Variants in ANKRD17 observed in about 807,000 individuals in gnomAD.
ANKRD17 encodes ankyrin repeat domain-containing protein 17.
A neutral mutation model predicts 229.7 loss-of-function variants in ANKRD17; 19 were observed. That is an observed-to-expected ratio of 0.08 (90% CI 0.06 to 0.12). ANKRD17 has a LOEUF of 0.12. Among genes scored for constraint, ANKRD17 ranks in the 10% least tolerant of loss-of-function variants. ANKRD17 has a pLI of 1.00. For synonymous variants in ANKRD17, 1,112 were observed against 1,146.1 expected, an observed-to-expected ratio of 0.97 and a Z score of 0.60; for missense variants, 2,176 against 3,176.8, an observed-to-expected ratio of 0.68 and a Z score of 7.57.
rs62309656 is a variant in ANKRD17 at position 73,152,031 on chromosome 4, T to C, written c.1235-507A>G. Among the ~76,000 whole-genome samples, 301 of 151,974 alleles carry C rather than the reference T, an allele frequency of 2.0e-3. 2 individuals carry two copies. The highest frequency in any genetic ancestry group is 3.8e-3 in the Non-Finnish European group (261 of 67,952). The stretch of plus-strand genomic sequence containing the variant: ...TCTTCAAACCACACCATTTAATTTA[T>C]ATTTATATATTTAATTATAATATAA... On this transcript the variant is annotated intron_variant, in intron 6 of 33. Coordinates refer to ENST00000358602, the MANE Select transcript of ANKRD17 (RefSeq NM_032217.5).
intron 1 of ANKRD17, among the ~76,000 whole-genome samples, chr4:73,213,747 A>G (rs1416806413): frequency 2.0e-5 from 3 of 152,196 alleles, no homozygotes; most frequent in Non-Finnish European, 4.4e-5. Context: ...AAATGACTCA[A>G]TTTTACCTCT....
At chr4:73,151,128 G>A (rs189667839) in intron 7 of ANKRD17, among the ~76,000 whole-genome samples, 2 of 151,964 alleles carry the variant, frequency 1.3e-5, no homozygotes, top group Admixed American at 1.3e-4. Flanking sequence ...CTCCCACCTT[G>A]GTCTCCCAAA....
Position 73,078,627 on chromosome 4 carries a change from G to T in ANKRD17, c.7408+15C>A. 6.2e-7 allele frequency: 1 copy of T among 1,612,156 alleles called. No individual in the cohort carries two copies. Among genetic ancestry groups the T allele is most frequent in the South Asian group, 1.1e-5 (1 of 90,960 alleles). ...CATTAAGTTAATTTCTAGAGAGCAG[G>T]ACAGAATATCCTACCTTGATTGCCA... On this transcript the variant is annotated intron_variant, in intron 31 of 33. Coordinates refer to ENST00000358602, the MANE Select transcript of ANKRD17 (RefSeq NM_032217.5).
In ANKRD17 at chr4:73,100,246, G is replaced by A. The variant is rs143120250; in HGVS notation, c.4574-1726C>T. Among the ~76,000 whole-genome samples the A allele has an allele frequency of 2.5e-3, 387 of 152,260 alleles. 4 individuals carry two copies. Among genetic ancestry groups the A allele is most frequent in the African/African-American group, 9.0e-3 (374 of 41,552 alleles). On this transcript the variant is annotated intron_variant, in intron 25 of 33. Transcript: ENST00000358602. The stretch of plus-strand genomic sequence containing the variant: ...ATACTCTTTGTGGGGAAGAGGGGCT[G>A]GCACATGGCAGGCTGGGTGACCGAC...
chr4:73,231,644 A>C (rs1743057850), intron 1 of ANKRD17, among the ~76,000 whole-genome samples: 2 of 152,142 alleles, frequency 1.3e-5, no homozygotes, highest in African/African-American at 4.8e-5. Flanking sequence ...AGAATCTTCA[A>C]AGTGGTTATG....
At chr4:73,100,587 T>TG (rs1723854490) in intron 25 of ANKRD17, among the ~76,000 whole-genome samples, 1 of 152,156 alleles carries the variant, frequency 6.6e-6, no homozygotes. Context: ...TTAATGTCGT[T>TG]GCAGTTATGT....
chr4:73,139,712 G>A lies in ANKRD17; in HGVS notation c.2904C>T (p.Pro968=). The A allele has an allele frequency of 2.5e-6, 4 of 1,614,174 alleles. No individual in the cohort carries two copies. Among genetic ancestry groups the A allele is most frequent in the Non-Finnish European group, 3.4e-6 (4 of 1,180,028 alleles). ...MPQALPLAAG[P]LPPGSIANLT... ...GATTTGCGATGGACCCTGGAGGCAA[G>A]GGACCTGCCGCCAGAGGCAAAGCTT... The change falls in exon 15 of 34, where the codon CCC becomes CCT. Residue 968 remains proline (P), a synonymous_variant. Transcript: ENST00000358602.
chr4:73,233,246 T>C (rs553736486), intron 1 of ANKRD17, among the ~76,000 whole-genome samples: 16 of 152,314 alleles, frequency 1.1e-4, no homozygotes, highest in African/African-American at 3.8e-4. Flanking sequence ...ATGCTTGTTA[T>C]CTACTGACTG....
chr4:73,195,934 A>T (rs1737807023), intron 1 of ANKRD17, among the ~76,000 whole-genome samples: 1 of 150,716 alleles, frequency 6.6e-6, no homozygotes, highest in Admixed American at 6.6e-5. Flanking sequence ...AATAATTTGT[A>T]TGTTCTCTCC....
At chr4:73,094,535 C>T (rs987679373) in intron 27 of ANKRD17, among the ~76,000 whole-genome samples, 9 of 151,964 alleles carry the variant, frequency 5.9e-5, no homozygotes, top group South Asian at 2.1e-4. Flanking sequence ...CAAATACTAA[C>T]GGTAAATAAG....
chr4:73,168,135 A>G (rs1578252634), intron 2 of ANKRD17, among the ~76,000 whole-genome samples: 2 of 152,124 alleles, frequency 1.3e-5, no homozygotes, highest in African/African-American at 4.8e-5. Context: ...CCTGGGGGAG[A>G]GTGAGACTCC....
rs561399339 is a variant in ANKRD17, at chr4:73,099,134, G to A, written c.4574-614C>T. ...GGGCATCTGGCAGGAGTCCTCAGAG[G>A]AGGAGCAGTGACCGTGTGTGCTGCC... On this transcript the variant is annotated intron_variant, in intron 25 of 33. Coordinates refer to ENST00000358602, the MANE Select transcript of ANKRD17 (RefSeq NM_032217.5). The A allele has an allele frequency of 5.8e-4, 409 of 710,410 alleles. 5 individuals carry two copies. The South Asian group carries it at 5.8e-3, about 10-fold the overall frequency. The allele number at this position is 710,410 out of a possible 1,614,324, so 44.0% of individuals were successfully genotyped here. A position where few individuals can be genotyped will look rare whatever the true frequency, so the allele number is the denominator to read the frequency against.
chr4:73,250,603 A>AAAAAAAAAAAAAAC (rs1744919627), intron 1 of ANKRD17, among the ~76,000 whole-genome samples: 1 of 149,408 alleles, frequency 6.7e-6, no homozygotes, highest in Admixed American at 6.6e-5. Flanking sequence ...AAAAAAAAAA[A>AAAAAAAAAAAAAAC]AAAAAAAAAA....
In ANKRD17 at chr4:73,074,996, GTATT is replaced by G. The variant is rs1166200581; in HGVS notation, c.*1231_*1234del. On this transcript the variant is annotated 3_prime_UTR_variant, in exon 34 of 34. Coordinates refer to ENST00000358602, the MANE Select transcript of ANKRD17 (RefSeq NM_032217.5). ...ATGGAGACTTTACACTGTAATCTGT[GTATT>G]TATCTGTCTACCATAAATTGTCTTC... is the stretch of plus-strand genomic sequence containing the variant. 6.6e-6 allele frequency: 1 copy of G among 152,362 alleles called. No homozygotes were observed. Among genetic ancestry groups the G allele is most frequent in the African/African-American group, 2.4e-5 (1 of 41,394 alleles). The allele number at this position is 152,362 out of a possible 1,614,324, so 9.4% of individuals were successfully genotyped here. A position where few individuals can be genotyped will look rare whatever the true frequency, so the allele number is the denominator to read the frequency against.
rs550083718 is a variant in ANKRD17, at chr4:73,211,645, G to C, written c.394-34112C>G. On this transcript the variant is annotated intron_variant, in intron 1 of 33. Transcript: ENST00000358602. Reference sequence around the variant, plus strand: ...GTGGATCACCTGAGGTCAGGAGTTCGAGACTAGTCTGGCCAACATGGTGAA... The same window carrying C: ...GTGGATCACCTGAGGTCAGGAGTTCCAGACTAGTCTGGCCAACATGGTGAA... Among the ~76,000 whole-genome samples the C allele has an allele frequency of 2.6e-5, 4 of 152,040 alleles. No homozygotes were observed. In the South Asian group the frequency reaches 8.3e-4, roughly 32 times the overall value.
At chr4:73,139,224 C>G (rs554124198) in intron 15 of ANKRD17, among the ~76,000 whole-genome samples, 1 of 152,046 alleles carries the variant, frequency 6.6e-6, no homozygotes, top group Admixed American at 6.6e-5. Flanking sequence ...TCTCAGTATT[C>G]TGAACTTAAA....
At chr4:73,154,258 T>C (rs985138733) in intron 5 of ANKRD17, 145 bp from the exon 6 acceptor site, 3 of 377,026 alleles carry the variant, frequency 8.0e-6, no homozygotes, top group African/African-American at 6.3e-5. Flanking sequence ...AATATATATC[T>C]ATATATAAAA....
intron 15 of ANKRD17, 79 bp from the exon 16 acceptor site, chr4:73,135,344 T>A: frequency 7.3e-7 from 1 of 1,374,686 alleles, no homozygotes; most frequent in Non-Finnish European, 9.9e-7. Flanking sequence ...CAAAAATATT[T>A]AAAGACTTCT....
intron 22 of ANKRD17, among the ~76,000 whole-genome samples, chr4:73,116,419 A>T (rs534880977): frequency 6.6e-6 from 1 of 152,318 alleles, no homozygotes; most frequent in South Asian, 2.1e-4. Flanking sequence ...ATTCACTGCA[A>T]CACAAGTTAG....
Sources: gnomAD v4.1 joint callset for allele counts (sites outside exome capture counted in the v4.1 genomes callset) on GRCh38, gnomAD v4.1.1 for gene constraint, MANE v1.5 for transcripts, NCBI Gene and HGNC (gene_info 2026-07-23, HGNC 2026-07-21) for gene names.